Variants in PTGS1 observed in about 807,000 individuals in gnomAD.
The protein encoded by PTGS1 is prostaglandin G/H synthase 1.
In PTGS1, 40 loss-of-function variants were observed where a neutral mutation model predicts 63.0. The observed-to-expected ratio is 0.63, with a 90% CI of 0.49 to 0.83. PTGS1 has a LOEUF of 0.83. Among genes scored for constraint, PTGS1 ranks in the 40% least tolerant of loss-of-function variants. PTGS1 has a pLI of 0.00. For synonymous variants in PTGS1, 298 were observed against 301.9 expected, an observed-to-expected ratio of 0.99 and a Z score of 0.13; for missense variants, 709 against 786.5, an observed-to-expected ratio of 0.90 and a Z score of 1.18.
chr9:122,384,707 C>G (rs1837767735), intron 8 of PTGS1, among the ~76,000 whole-genome samples: 1 of 152,146 alleles, frequency 6.6e-6, no homozygotes, highest in South Asian at 2.1e-4. Context: ...GGTCTGGTTG[C>G]CACCAAAATC....
intron 5 of PTGS1, among the ~76,000 whole-genome samples, chr9:122,379,583 C>T (rs1274745391): frequency 2.6e-5 from 4 of 152,174 alleles, no homozygotes; most frequent in Admixed American, 2.6e-4. Flanking sequence ...GGGTTCAAAA[C>T]CTTGCACCAT....
In PTGS1 at chr9:122,371,046, G is replaced by C. The variant is rs1286709163; in HGVS notation, c.-39G>C. 6.3e-7 allele frequency: 1 copy of C among 1,577,308 alleles called. No individual in the cohort carries two copies. The highest frequency in any genetic ancestry group is 1.3e-5 in the African/African-American group (1 of 74,710). ...GGCAGTGTGCGAGGCGCACGCACAG[G>C]AGCCTGCACTCTGCGTCCCGCACCC... On this transcript the variant is annotated 5_prime_UTR_variant, in exon 1 of 11. Coordinates refer to ENST00000362012, the MANE Select transcript of PTGS1 (RefSeq NM_000962.4).
chr9:122,379,478 G>C (rs764759792), intron 5 of PTGS1, among the ~76,000 whole-genome samples: 13 of 152,306 alleles, frequency 8.5e-5, no homozygotes, highest in Non-Finnish European at 1.9e-4. Flanking sequence ...GACAAGAGAG[G>C]CTCATCAGTC....
chr9:122,390,536 G>A (rs139600926), intron 10 of PTGS1, among the ~76,000 whole-genome samples, 191 bp downstream of exon 10: 12 of 152,258 alleles, frequency 7.9e-5, no homozygotes, highest in African/African-American at 2.9e-4. Flanking sequence ...TTTTCAGCTG[G>A]GTTTGGAGAA....
rs561283751 is a variant in PTGS1, at chr9:122,386,633, G to A, written c.1197G>A (p.Gln399=). 4 of 1,614,216 alleles carry A rather than the reference G, an allele frequency of 2.5e-6. No homozygotes were observed. Among genetic ancestry groups the A allele is most frequent in the Non-Finnish European group, 3.4e-6 (4 of 1,180,036 alleles). Residue 399 remains glutamine (Q), a synonymous_variant, in exon 9 of 11, where the codon CAG becomes CAA. Transcript: ENST00000362012. ...LMPDSFKVGS[Q]EYSYEQFLFN... ...CTGACTCCTTCAAGGTGGGCTCCCAGGAGTACAGCTACGAGCAGTTCTTGT... is the reference window on the plus strand; with the variant it reads ...CTGACTCCTTCAAGGTGGGCTCCCAAGAGTACAGCTACGAGCAGTTCTTGT...
intron 2 of PTGS1, chr9:122,371,585 C>T (rs1836811872): frequency 4.9e-6 from 7 of 1,430,640 alleles, no homozygotes; most frequent in Non-Finnish European, 6.4e-6. Flanking sequence ...GCAGCCTCTG[C>T]ACCCAACAAC....
intron 8 of PTGS1, 150 bp from the exon 9 acceptor site, chr9:122,386,296 T>C: frequency 1.1e-6 from 1 of 909,980 alleles, no homozygotes; most frequent in Non-Finnish European, 1.7e-6. Flanking sequence ...GACCAAGACC[T>C]TGTCTGTAAA....
At chr9:122,371,385 C>G in intron 2 of PTGS1, 113 bp downstream of exon 2, 1 of 1,502,696 alleles carries the variant, frequency 6.7e-7, no homozygotes, top group Non-Finnish European at 8.9e-7. Context: ...GCTCGCGGTG[C>G]TGAGAAAGAC....
intron 7 of PTGS1, among the ~76,000 whole-genome samples, chr9:122,383,179 TG>T (rs376288194): frequency 0.016 from 2,270 of 144,744 alleles, 46 homozygotes; most frequent in African/African-American, 0.055. Flanking sequence ...CAAGATTTGT[TG>T]TTTTTTTTTT....
At chr9:122,386,400 A>G in intron 8 of PTGS1, 46 bp from the exon 9 acceptor site, 1 of 1,594,838 alleles carries the variant, frequency 6.3e-7, no homozygotes, top group Non-Finnish European at 8.6e-7. Context: ...TGGGCATCTA[A>G]ATCACTGTGC....
chr9:122,386,309 T>C, intron 8 of PTGS1, 137 bp from the exon 9 acceptor site: 2 of 1,004,614 alleles, frequency 2.0e-6, no homozygotes, highest in South Asian at 1.6e-5. Context: ...TCTGTAAAAA[T>C]AAAAATAAAC....
At chr9:122,371,134 C>T in intron 1 of PTGS1, 43 bp downstream of exon 1, 1 of 1,606,820 alleles carries the variant, frequency 6.2e-7, no homozygotes, top group Non-Finnish European at 8.5e-7. Context: ...TTCTTGGCCT[C>T]CTGGTGGAGC....
intron 8 of PTGS1, among the ~76,000 whole-genome samples, chr9:122,384,133 C>T (rs1016382561): frequency 7.2e-5 from 11 of 152,140 alleles, no homozygotes; most frequent in African/African-American, 2.7e-4. Context: ...CCAGCACGTG[C>T]AGGGTCAAAC....
At chr9:122,385,101 G>T (rs970560909) in intron 8 of PTGS1, among the ~76,000 whole-genome samples, 1 of 152,138 alleles carries the variant, frequency 6.6e-6, no homozygotes, top group Non-Finnish European at 1.5e-5. Context: ...GGGATTACAG[G>T]TGCCCGCCAC....
At chr9:122,380,951 T>C (rs978440601) in intron 5 of PTGS1, among the ~76,000 whole-genome samples, 1 of 152,224 alleles carries the variant, frequency 6.6e-6, no homozygotes, top group Admixed American at 6.5e-5. Context: ...GAGTTCATGT[T>C]TGTTTTTTTC....
chr9:122,378,982 A>G, intron 5 of PTGS1, 64 bp downstream of exon 5: 2 of 1,587,056 alleles, frequency 1.3e-6, no homozygotes, highest in Non-Finnish European at 1.7e-6. Flanking sequence ...CTCTTTGGGA[A>G]AAATCAGGCG....
chr9:122,373,434 C>T (rs927523411), intron 2 of PTGS1, among the ~76,000 whole-genome samples: 3 of 152,268 alleles, frequency 2.0e-5, no homozygotes, highest in African/African-American at 7.2e-5. Context: ...CCTAAGAGGG[C>T]AGGCGGAGGG....
rs370536179 is a variant in PTGS1 at position 122,388,480 on chromosome 9, C to T, written c.1297-1718C>T. Among the ~76,000 whole-genome samples, 17 of 152,280 alleles carry T rather than the reference C, an allele frequency of 1.1e-4. No individual in the cohort carries two copies. The East Asian group carries it at 3.3e-3, about 29-fold the overall frequency. On this transcript the variant is annotated intron_variant, in intron 9 of 10. Transcript: ENST00000362012. ...CCATTTAAATTGACCACAGCCATAT[C>T]AGGTAGATGCTCTTCCCTTCCCCAT...
intron 5 of PTGS1, 22 bp downstream of exon 5, chr9:122,378,940 G>T: frequency 6.2e-7 from 1 of 1,613,594 alleles, no homozygotes; most frequent in African/African-American, 1.3e-5. Context: ...TGAGGAGCTG[G>T]GCCTGGGGAT....
Sources: allele counts gnomAD v4.1 joint callset (sites outside exome capture counted in the v4.1 genomes callset), GRCh38; gene constraint gnomAD v4.1.1; transcripts MANE v1.5; gene names NCBI Gene and HGNC (gene_info 2026-07-23, HGNC 2026-07-21).